NTRK3: variants seen among roughly 807,000 people sequenced by gnomAD.
The protein encoded by NTRK3 is neurotrophic receptor tyrosine kinase 3, also known as NT-3 growth factor receptor.
A neutral mutation model predicts 91.7 loss-of-function variants in NTRK3; 24 were observed. That is an observed-to-expected ratio of 0.26 (90% CI 0.19 to 0.37). The LOEUF is 0.37. Ranked by LOEUF, NTRK3 falls within the 10% of genes least tolerant of loss-of-function variation. NTRK3 has a pLI of 1.00. For synonymous variants in NTRK3, 483 were observed against 404.0 expected, an observed-to-expected ratio of 1.20 and a Z score of -2.34; for missense variants, 880 against 1,068.9, an observed-to-expected ratio of 0.82 and a Z score of 2.46.
intron 3 of NTRK3, among the ~76,000 whole-genome samples, chr15:88,239,421 G>C (rs920222814): frequency 6.6e-6 from 1 of 152,146 alleles, no homozygotes; most frequent in African/African-American, 2.4e-5. Flanking sequence ...GCCAAGTAAG[G>C]TTCTTGAGGC....
At chr15:87,873,258 T>C (rs996491214) in exon 19 of NTRK3, 7 of 231,310 alleles carry the variant, frequency 3.0e-5, no homozygotes, top group Non-Finnish European at 6.0e-5. Flanking sequence ...GAGTAATTTG[T>C]GCATGATCTG....
chr15:87,894,310 G>A (rs1311772767), intron 17 of NTRK3, among the ~76,000 whole-genome samples: 1 of 152,170 alleles, frequency 6.6e-6, no homozygotes, highest in Non-Finnish European at 1.5e-5. Context: ...AAAATCATCG[G>A]CACTCTTGGT....
At chr15:87,897,196 T>G (rs1215351728) in intron 17 of NTRK3, among the ~76,000 whole-genome samples, 1 of 152,098 alleles carries the variant, frequency 6.6e-6, no homozygotes, top group African/African-American at 2.4e-5. Flanking sequence ...ATTGTGATTC[T>G]CCCCAGTTCT....
chr15:88,050,891 T>C (rs1253913368), intron 13 of NTRK3, among the ~76,000 whole-genome samples: 1 of 152,122 alleles, frequency 6.6e-6, no homozygotes, highest in Non-Finnish European at 1.5e-5. Context: ...TCCTACAATA[T>C]ACTCCCTGCC....
At chr15:88,051,596 C>G (rs970748566) in intron 13 of NTRK3, among the ~76,000 whole-genome samples, 1 of 152,118 alleles carries the variant, frequency 6.6e-6, no homozygotes, top group Admixed American at 6.5e-5. Flanking sequence ...TATTTGTTTC[C>G]TTATCTATAA....
chr15:87,886,699 T>TATATATATATATATATATATATAC (rs1265075771), intron 17 of NTRK3, among the ~76,000 whole-genome samples: 110 of 138,420 alleles, frequency 7.9e-4, no homozygotes, highest in African/African-American at 2.2e-3. Flanking sequence ...TATATATATA[T>TATATATATATATATATATATATAC]ACATATATAC....
chr15:88,126,124 G>C, intron 13 of NTRK3, 147 bp downstream of exon 13: 2 of 647,898 alleles, frequency 3.1e-6, no homozygotes, highest in Non-Finnish European at 5.7e-6. Flanking sequence ...AAGAACAAGC[G>C]GCAAACAGGA....
chr15:87,904,986 A>G (rs1054409900), intron 17 of NTRK3, among the ~76,000 whole-genome samples: 3 of 152,252 alleles, frequency 2.0e-5, no homozygotes, highest in Non-Finnish European at 4.4e-5. Flanking sequence ...CTCAAGTATC[A>G]AAATGACGGG....
At chr15:88,078,942 T>C (rs1299022022) in intron 13 of NTRK3, among the ~76,000 whole-genome samples, 3 of 152,190 alleles carry the variant, frequency 2.0e-5, no homozygotes, top group Non-Finnish European at 4.4e-5. Context: ...CTGCATGCGA[T>C]GGGGCACCCC....
chr15:87,882,175 C>A (rs557236105), intron 17 of NTRK3, among the ~76,000 whole-genome samples: 21 of 152,244 alleles, frequency 1.4e-4, no homozygotes, highest in African/African-American at 5.1e-4. Flanking sequence ...GGATTACAGG[C>A]GTGAGCCACT....
chr15:88,057,774 C>A (rs2045857373), intron 13 of NTRK3, among the ~76,000 whole-genome samples: 1 of 152,214 alleles, frequency 6.6e-6, no homozygotes, highest in Non-Finnish European at 1.5e-5. Context: ...TAGCCTCTTG[C>A]AGAACACCTT....
At chr15:87,893,066 G>A (rs1488224131) in intron 17 of NTRK3, among the ~76,000 whole-genome samples, 10 of 152,060 alleles carry the variant, frequency 6.6e-5, no homozygotes, top group African/African-American at 9.7e-5. Flanking sequence ...GATGTGCAAC[G>A]GACATATATA....
intron 13 of NTRK3, among the ~76,000 whole-genome samples, chr15:88,038,294 C>T (rs2079256358): frequency 6.6e-6 from 1 of 152,228 alleles, no homozygotes; most frequent in Non-Finnish European, 1.5e-5. Context: ...CCATCAGACT[C>T]TTGCCCCATT....
Position 88,148,545 on chromosome 15 carries a change from G to A in NTRK3, c.396-1142C>T, listed in dbSNP as rs1258648278. On this transcript the variant is annotated intron_variant, in intron 5 of 18. Coordinates refer to ENST00000394480, the Ensembl canonical transcript of NTRK3. ...AGGAGTGTTTCAGGCAGTGAAAGTA[G>A]CAAGTGTCAAGGCCTGAGAGATCCA... 3.3e-5 allele frequency among the ~76,000 whole-genome samples: 5 copies of A among 152,262 alleles called. No individual in the cohort carries two copies. In the East Asian group the frequency reaches 9.7e-4, roughly 29 times the overall value.
chr15:87,986,182 C>T (rs1039213578), intron 14 of NTRK3, among the ~76,000 whole-genome samples: 3 of 152,212 alleles, frequency 2.0e-5, no homozygotes, highest in Admixed American at 6.5e-5. Context: ...TATTAATAAT[C>T]TATCTTCATT....
At chr15:88,080,211 G>C (rs1268313227) in intron 13 of NTRK3, among the ~76,000 whole-genome samples, 1 of 152,064 alleles carries the variant, frequency 6.6e-6, no homozygotes, top group African/African-American at 2.4e-5. Flanking sequence ...ATTTCCTTAA[G>C]GTAAGTAACA....
chr15:88,207,481 T>C (rs1432623738), intron 3 of NTRK3, among the ~76,000 whole-genome samples: 1 of 152,222 alleles, frequency 6.6e-6, no homozygotes, highest in African/African-American at 2.4e-5. Flanking sequence ...CAAGATGAAA[T>C]ACACACAGCT....
intron 14 of NTRK3, among the ~76,000 whole-genome samples, chr15:87,958,713 C>T: frequency 6.6e-6 from 1 of 152,032 alleles, no homozygotes; most frequent in East Asian, 1.9e-4. Flanking sequence ...ATCCTGCTGG[C>T]ACCATCCTAG....
rs148828699 is a variant in NTRK3 at position 88,011,938 on chromosome 15, C to A, written c.1585+20919G>T. 1.3e-3 allele frequency among the ~76,000 whole-genome samples: 192 copies of A among 152,280 alleles called. 2 individuals are homozygous for A. The highest frequency in any genetic ancestry group is 4.0e-3 in the African/African-American group (167 of 41,566). On this transcript the variant is annotated intron_variant, in intron 14 of 18. Coordinates refer to ENST00000394480, the Ensembl canonical transcript of NTRK3. ...ACAGGCAGCTATTCCAAATCCCTTA[C>A]GTACATTACCTCATTTAACACACAC...
Sources: allele counts gnomAD v4.1 joint callset (sites outside exome capture counted in the v4.1 genomes callset), GRCh38; gene constraint gnomAD v4.1.1; transcripts MANE v1.5; gene names NCBI Gene and HGNC (gene_info 2026-07-23, HGNC 2026-07-21).